The following CCAR1 variants were observed in gnomAD, a reference collection of about 807,000 sequenced individuals.
CCAR1 encodes cell division cycle and apoptosis regulator 1.
In CCAR1, 78 loss-of-function variants were observed where a neutral mutation model predicts 163.8. The observed-to-expected ratio is 0.48, with a 90% CI of 0.40 to 0.57. The LOEUF (loss-of-function observed/expected upper bound fraction) is 0.57. Among genes scored for constraint, CCAR1 ranks in the 20% least tolerant of loss-of-function variants. The pLI, the probability that CCAR1 is intolerant of heterozygous loss-of-function variation, is 0.00. For synonymous variants in CCAR1, 443 were observed against 460.7 expected, an observed-to-expected ratio of 0.96 and a Z score of 0.49; for missense variants, 1,019 against 1,365.2, an observed-to-expected ratio of 0.75 and a Z score of 4.00.
At chr10:68,783,960 A>G (rs1043018464) in intron 19 of CCAR1, among the ~76,000 whole-genome samples, 3 of 151,784 alleles carry the variant, frequency 2.0e-5, no homozygotes, top group East Asian at 2.0e-4. Context: ...GGGTTTCACC[A>G]TGTTAGCGAG....
chr10:68,782,806 G>A (rs1054614710), intron 19 of CCAR1, among the ~76,000 whole-genome samples: 1 of 151,886 alleles, frequency 6.6e-6, no homozygotes, highest in Non-Finnish European at 1.5e-5. Context: ...TCATGTAACC[G>A]ACGTTTTTAC....
chr10:68,754,240 T>C (rs561005658), intron 11 of CCAR1, among the ~76,000 whole-genome samples, 163 bp downstream of exon 11: 1 of 152,342 alleles, frequency 6.6e-6, no homozygotes, highest in Non-Finnish European at 1.5e-5. Context: ...TAATTTAAGC[T>C]CTCTTTGCCT....
At chr10:68,732,041 A>AT (rs1373171063) in intron 2 of CCAR1, among the ~76,000 whole-genome samples, 2 of 152,156 alleles carry the variant, frequency 1.3e-5, no homozygotes, top group African/African-American at 2.4e-5. Context: ...AAAAATGGAC[A>AT]TTCTGCGATT....
intron 15 of CCAR1, among the ~76,000 whole-genome samples, chr10:68,757,774 T>G (rs144887483): frequency 2.6e-5 from 4 of 151,506 alleles, no homozygotes; most frequent in African/African-American, 9.7e-5. Context: ...ACAGCCAATA[T>G]CTGTTGAATG....
chr10:68,760,665 G>A (rs1782339), intron 15 of CCAR1: 103,374 of 155,860 alleles, frequency 0.66, 35,016 homozygotes, highest in Non-Finnish European at 0.73. Context: ...TCTGGAGTTC[G>A]AGACCAGCCT....
chr10:68,749,874 G>A (rs368794236), intron 10 of CCAR1, among the ~76,000 whole-genome samples, 189 bp downstream of exon 10: 6 of 152,222 alleles, frequency 3.9e-5, no homozygotes, highest in South Asian at 4.1e-4. Context: ...CCCCCATGAA[G>A]GATATCGACT....
At position 68,754,739 on chromosome 10, in the gene CCAR1, T is replaced by C. The variant is rs1390712844; in HGVS notation, c.1370T>C (p.Met457Thr). The change falls in exon 12 of 25, where the codon ATG (methionine) becomes ACG (threonine). Residue 457 changes from methionine (M) to threonine (T), a missense_variant. Around this residue, in one of 4 missense-constraint regions of CCAR1, gnomAD observed 644 missense variants for 904.4 expected, o/e 0.71. Coordinates refer to ENST00000265872, the MANE Select transcript of CCAR1 (RefSeq NM_018237.4). Reference protein sequence around the residue: ...AKVMLMASPSMEDLYHKSCAL... With the variant: ...AKVMLMASPSTEDLYHKSCAL... The stretch of plus-strand genomic sequence containing the variant: ...GTAATGCTGATGGCTAGCCCTAGTA[T>C]GGAAGATTTATATCATAAGTCATGT... 1 of 1,607,992 alleles carries C rather than the reference T, an allele frequency of 6.2e-7. No homozygotes were observed. The highest frequency in any genetic ancestry group is 1.7e-5 in the Admixed American group (1 of 59,924).
At chr10:68,734,219 T>C (rs2056078626) in intron 2 of CCAR1, among the ~76,000 whole-genome samples, 1 of 152,170 alleles carries the variant, frequency 6.6e-6, no homozygotes, top group East Asian at 1.9e-4. Flanking sequence ...AAAGCACAAA[T>C]TGTTCTTTCT....
intron 1 of CCAR1, 55 bp from the exon 2 acceptor site, chr10:68,722,400 T>C: frequency 1.1e-6 from 1 of 875,124 alleles, no homozygotes; most frequent in Non-Finnish European, 2.0e-6. Context: ...GTAATATCCT[T>C]TTGTGATATC....
At chr10:68,746,890 T>TATTA (rs1554819979) in intron 6 of CCAR1, among the ~76,000 whole-genome samples, 1 of 151,548 alleles carries the variant, frequency 6.6e-6, no homozygotes, top group Admixed American at 6.6e-5. Context: ...ATCTACTTTT[T>TATTA]TTATTATTAT....
intron 2 of CCAR1, among the ~76,000 whole-genome samples, chr10:68,723,074 A>G (rs1424675438): frequency 6.6e-6 from 1 of 151,546 alleles, no homozygotes; most frequent in Non-Finnish European, 1.5e-5. Flanking sequence ...TAGTTTGGAC[A>G]GTTTTGTAGT....
At chr10:68,776,962 A>G (rs1045726767) in intron 19 of CCAR1, among the ~76,000 whole-genome samples, 3 of 152,188 alleles carry the variant, frequency 2.0e-5, no homozygotes, top group Non-Finnish European at 4.4e-5. Context: ...AATTCCTGCT[A>G]ACCCCTTCAC....
At chr10:68,725,863 C>T (rs887813166) in intron 2 of CCAR1, among the ~76,000 whole-genome samples, 16 of 151,842 alleles carry the variant, frequency 1.1e-4, no homozygotes, top group African/African-American at 3.9e-4. Flanking sequence ...TGTATGTAAT[C>T]CCAGCACTTT....
At chr10:68,773,215 T>C in intron 19 of CCAR1, 116 bp downstream of exon 19, 1 of 553,834 alleles carries the variant, frequency 1.8e-6, no homozygotes, top group South Asian at 2.3e-5. Context: ...ATAGAAAGAG[T>C]AATATACTCT....
rs192547412 is a variant in CCAR1, at chr10:68,723,581, A to G, written c.73+1004A>G. On this transcript the variant is annotated intron_variant, in intron 2 of 24. Transcript: ENST00000265872. ...AAAAGTAAATGGGCCGGGCGCGGTG[A>G]CTCATGCCTGTAATCCCAGCACTTT... Among the ~76,000 whole-genome samples, 1,240 of 150,476 alleles carry G rather than the reference A, an allele frequency of 8.2e-3. 17 individuals are homozygous for G. Among genetic ancestry groups the G allele is most frequent in the African/African-American group, 0.025 (1,029 of 41,034 alleles).
intron 2 of CCAR1, among the ~76,000 whole-genome samples, chr10:68,731,246 A>T (rs1162808821): frequency 1.3e-5 from 2 of 152,214 alleles, no homozygotes; most frequent in Admixed American, 1.3e-4. Flanking sequence ...TGTACTTTGC[A>T]GATTACAGAA....
In CCAR1 at chr10:68,758,600, T is replaced by C. The variant is rs10998418; in HGVS notation, c.1920+1223T>C. Among the ~76,000 whole-genome samples the C allele has an allele frequency of 5.7e-5, 8 of 141,076 alleles. No homozygotes were observed. The East Asian group carries it at 1.3e-3, about 23-fold the overall frequency. The allele number at this position is 141,076 out of a possible 152,430, so 92.6% of individuals were successfully genotyped here. A position where few individuals can be genotyped will look rare whatever the true frequency, so the allele number is the denominator to read the frequency against. On this transcript the variant is annotated intron_variant, in intron 15 of 24. Transcript: ENST00000265872. ...ACGTTTGTATATATGTACACACACA[T>C]ATATATACGTGTGTGTATATATATA...
At chr10:68,731,264 C>T (rs914628961) in intron 2 of CCAR1, among the ~76,000 whole-genome samples, 3 of 152,162 alleles carry the variant, frequency 2.0e-5, no homozygotes, top group African/African-American at 7.2e-5. Flanking sequence ...GAATTACTTG[C>T]AGAATGTTGA....
At chr10:68,722,694 G>C (rs1366597409) in intron 2 of CCAR1, 117 bp downstream of exon 2, 1 of 735,392 alleles carries the variant, frequency 1.4e-6, no homozygotes. Flanking sequence ...GGAAGCGGAG[G>C]AGGTGGATCA....
Sources: gnomAD v4.1 joint callset for allele counts (sites outside exome capture counted in the v4.1 genomes callset) on GRCh38, gnomAD v4.1.1 for gene constraint, gnomAD v4.1.1 regional missense constraint, MANE v1.5 for transcripts, NCBI Gene and HGNC (gene_info 2026-07-23, HGNC 2026-07-21) for gene names.